HMGA2: variants seen among roughly 807,000 people sequenced by gnomAD.
HMGA2 encodes the protein high mobility group AT-hook 2.
HMGA2 carries 8 observed loss-of-function variants against 19.1 expected under a neutral mutation model. The ratio of observed to expected loss-of-function variants is 0.42; its 90% confidence interval spans 0.25 to 0.76. HMGA2 has a LOEUF of 0.76. HMGA2 is among the 30% of genes least tolerant of loss of function. HMGA2 has a pLI of 0.28. For synonymous variants in HMGA2, 60 were observed against 48.8 expected (o/e 1.23, Z -0.96); for missense variants, 109 against 136.3 (o/e 0.80, Z 1.00).
chr12:65,951,601 A>C, intron 4 of HMGA2, 186 bp downstream of exon 4: 1 of 513,988 alleles, frequency 1.9e-6, no homozygotes. Context: ...TACCATGAAA[A>C]CCTCCCAAAA....
At chr12:65,827,452 G>A (rs1485568675) in intron 1 of HMGA2, among the ~76,000 whole-genome samples, 3 of 152,290 alleles carry the variant, frequency 2.0e-5, no homozygotes, top group African/African-American at 7.2e-5. Context: ...ATTTTGAACT[G>A]AAGAACTTGA....
At chr12:65,865,000 G>A (rs1276046146) in intron 3 of HMGA2, among the ~76,000 whole-genome samples, 1 of 151,974 alleles carries the variant, frequency 6.6e-6, no homozygotes, top group African/African-American at 2.4e-5. Context: ...TGTTACCCCT[G>A]AAACAGCAAG....
intron 3 of HMGA2, among the ~76,000 whole-genome samples, chr12:65,903,023 A>G (rs1033515830): frequency 2.6e-5 from 4 of 152,158 alleles, no homozygotes; most frequent in Non-Finnish European, 4.4e-5. Context: ...AGAATACATT[A>G]TTCGTATATA....
At chr12:65,911,846 G>C (rs1366549190) in intron 3 of HMGA2, among the ~76,000 whole-genome samples, 1 of 152,144 alleles carries the variant, frequency 6.6e-6, no homozygotes, top group Non-Finnish European at 1.5e-5. Context: ...GAATCTCCAA[G>C]ATGTGGGGTT....
chr12:65,904,257 GAGTGACC>G (rs1208932497), intron 3 of HMGA2, among the ~76,000 whole-genome samples: 1 of 152,196 alleles, frequency 6.6e-6, no homozygotes, highest in Non-Finnish European at 1.5e-5. Context: ...TTGGCTCGTT[GAGTGACC>G]AAAGCACCGC....
intron 3 of HMGA2, among the ~76,000 whole-genome samples, chr12:65,910,697 C>CTCCT (rs932511894): frequency 1.3e-5 from 2 of 152,184 alleles, no homozygotes; most frequent in Non-Finnish European, 2.9e-5. Flanking sequence ...TTACAGTTTT[C>CTCCT]TCCTTTTTTT....
intron 3 of HMGA2, among the ~76,000 whole-genome samples, chr12:65,938,853 T>TA (rs1875985402): frequency 6.6e-6 from 1 of 152,012 alleles, no homozygotes; most frequent in African/African-American, 2.4e-5. Context: ...TTTTTAGAGA[T>TA]AGAGTTTGCC....
chr12:65,933,418 T>C lies in HMGA2; in HGVS notation c.250-17965T>C, dbSNP rs554797380. Among the ~76,000 whole-genome samples, 8 of 152,326 alleles carry C rather than the reference T, an allele frequency of 5.3e-5. No individual in the cohort carries two copies. The South Asian group carries it at 1.7e-3, about 32-fold the overall frequency. ...TTCTTTAAACCTCCTTAATATTTTG[T>C]CCTTTAAGCATAAGCGATGTTGCAA... On this transcript the variant is annotated intron_variant, in intron 3 of 4. Transcript: ENST00000403681.
At chr12:65,950,458 C>A (rs1440395804) in intron 3 of HMGA2, among the ~76,000 whole-genome samples, 1 of 152,156 alleles carries the variant, frequency 6.6e-6, no homozygotes, top group African/African-American at 2.4e-5. Flanking sequence ...AAAGACTCTA[C>A]ATATATAGTA....
chr12:65,872,868 T>C (rs942760413), intron 3 of HMGA2, among the ~76,000 whole-genome samples: 1 of 152,214 alleles, frequency 6.6e-6, no homozygotes, highest in Non-Finnish European at 1.5e-5. Flanking sequence ...GATTATAGCA[T>C]TGGGCCTAGT....
chr12:65,890,307 A>G (rs1873847945), intron 3 of HMGA2, among the ~76,000 whole-genome samples: 1 of 152,186 alleles, frequency 6.6e-6, no homozygotes, highest in African/African-American at 2.4e-5. Context: ...CCCTTAGCAC[A>G]GCACCTGAGG....
chr12:65,880,044 A>G (rs921838703), intron 3 of HMGA2, among the ~76,000 whole-genome samples: 2 of 152,254 alleles, frequency 1.3e-5, no homozygotes, highest in Non-Finnish European at 2.9e-5. Flanking sequence ...TTTATTTTAC[A>G]GTGGTTGACC....
chr12:65,910,025 A>G (rs1874776584), intron 3 of HMGA2, among the ~76,000 whole-genome samples: 1 of 152,230 alleles, frequency 6.6e-6, no homozygotes, highest in African/African-American at 2.4e-5. Context: ...CTAACAGCAC[A>G]AAAGAGGATA....
intron 3 of HMGA2, among the ~76,000 whole-genome samples, chr12:65,891,963 G>A (rs1873930068): frequency 6.6e-6 from 1 of 152,186 alleles, no homozygotes; most frequent in Non-Finnish European, 1.5e-5. Context: ...GCATCTCTCA[G>A]CTGACTTTTG....
At chr12:65,893,995 T>C (rs771542862) in intron 3 of HMGA2, among the ~76,000 whole-genome samples, 5 of 152,176 alleles carry the variant, frequency 3.3e-5, no homozygotes. Flanking sequence ...AAATGATACA[T>C]AGAGGGGAGT....
chr12:65,944,176 A>C (rs1876182142), intron 3 of HMGA2, among the ~76,000 whole-genome samples: 1 of 152,220 alleles, frequency 6.6e-6, no homozygotes, highest in Non-Finnish European at 1.5e-5. Flanking sequence ...TTGATCACTT[A>C]CTATTGTAGA....
chr12:65,955,119 G>C (rs923822207), intron 4 of HMGA2: 2 of 152,136 alleles, frequency 1.3e-5, no homozygotes, highest in African/African-American at 4.8e-5. Context: ...TGGCGGGGGA[G>C]GGTTGCCGTG....
In HMGA2 at chr12:65,825,005, C is replaced by A. The variant is rs757642604; in HGVS notation, c.-266C>A. The A allele has an allele frequency of 4.7e-6, 2 of 423,338 alleles. No individual in the cohort carries two copies. The highest frequency in any genetic ancestry group is 8.4e-6 in the Non-Finnish European group (2 of 237,616). 26.2% of individuals were successfully genotyped at this position (423,338 alleles called of 1,614,324 possible). On this transcript the variant is annotated 5_prime_UTR_variant, in exon 1 of 5. Transcript: ENST00000403681. This position sits in a 1 kb window ranked among gnomAD's most constrained non-coding sequence, Gnocchi z 4.4. ...CCACCGCCACCTCCACCTCCGGCAC[C>A]CACCCACCGCCGCCGCCGCCACCGG...
rs770289628 is a variant in HMGA2, at chr12:65,914,884, A to G, written c.250-36499A>G. On this transcript the variant is annotated intron_variant, in intron 3 of 4. Transcript: ENST00000403681. ...GAGACAGGGTTTCACCATGTTGGCC[A>G]GGCTGGTCTCGAACTCCTGACCTCA... is the stretch of plus-strand genomic sequence containing the variant. 8.5e-5 allele frequency: 59 copies of G among 692,590 alleles called. No homozygotes were observed. The Admixed American group carries it at 1.2e-3, about 14-fold the overall frequency. The allele number at this position is 692,590 out of a possible 1,614,324, so 42.9% of individuals were successfully genotyped here.
Sources: allele counts gnomAD v4.1 joint callset (sites outside exome capture counted in the v4.1 genomes callset), GRCh38; gene constraint gnomAD v4.1.1; non-coding constraint Gnocchi (gnomAD v3.1); transcripts MANE v1.5; gene names NCBI Gene and HGNC (gene_info 2026-07-23, HGNC 2026-07-21).